Variants in NLN observed in about 807,000 individuals in gnomAD.
NLN encodes neurolysin, mitochondrial.
NLN carries 64 observed loss-of-function variants against 79.9 expected under a neutral mutation model. The observed-to-expected ratio is 0.80, with a 90% CI of 0.65 to 0.99. NLN has a LOEUF of 0.99. NLN is among the 50% of genes least tolerant of loss of function. The probability of loss-of-function intolerance (pLI) is 0.00; values close to 1 mark genes in which losing one functional copy is unlikely to be tolerated. For missense variants in NLN, 835 were observed against 858.7 expected, an observed-to-expected ratio of 0.97 and a Z score of 0.34; for synonymous variants, 267 against 296.6, an observed-to-expected ratio of 0.90 and a Z score of 1.02.
At chr5:65,792,991 T>C (rs1389507589) in intron 9 of NLN, 13 of 379,396 alleles carry the variant, frequency 3.4e-5, no homozygotes, top group Non-Finnish European at 6.1e-5. Context: ...TGTGCTGTAA[T>C]CTGTCTCTTC....
At chr5:65,755,355 T>G (rs1759195890) in intron 1 of NLN, among the ~76,000 whole-genome samples, 2 of 152,214 alleles carry the variant, frequency 1.3e-5, no homozygotes, top group African/African-American at 4.8e-5. Flanking sequence ...CCTTCTTGTA[T>G]AAACTACACC....
rs1554033902 is a variant in NLN, at chr5:65,800,663, C to CTTATTTATTTATTTAT, written c.1527+8031_1527+8046dup. Among the ~76,000 whole-genome samples, 782 of 142,946 alleles carry CTTATTTATTTATTTAT rather than the reference C, an allele frequency of 5.5e-3. 9 individuals are homozygous for CTTATTTATTTATTTAT. The highest frequency in any genetic ancestry group is 0.017 in the African/African-American group (641 of 37,540). The allele number at this position is 142,946 out of a possible 152,430, so 93.8% of individuals were successfully genotyped here. A position where few individuals can be genotyped will look rare whatever the true frequency, so the allele number is the denominator to read the frequency against. ...TAGCTTGGATAGTGAAGAAAACTCT[C>CTTATTTATTTATTTAT]TTATTTATTTATTTATTTATTTATT... On this transcript the variant is annotated intron_variant, in intron 9 of 12. Transcript: ENST00000380985.
At chr5:65,801,754 T>C (rs908965512) in intron 9 of NLN, among the ~76,000 whole-genome samples, 4 of 152,368 alleles carry the variant, frequency 2.6e-5, no homozygotes, top group African/African-American at 9.6e-5. Flanking sequence ...CTACTCTGCA[T>C]GACATTAACT....
chr5:65,731,349 A>G (rs893257114), intron 1 of NLN, among the ~76,000 whole-genome samples: 1 of 152,242 alleles, frequency 6.6e-6, no homozygotes, highest in Non-Finnish European at 1.5e-5. Context: ...TAGAACAGCA[A>G]ACTCACATTG....
rs1010887285 is a variant in NLN at position 65,827,478 on chromosome 5, G to A, written c.*4563G>A. 11 of 152,148 alleles carry A rather than the reference G, an allele frequency of 7.2e-5. No individual in the cohort carries two copies. The highest frequency in any genetic ancestry group is 2.4e-4 in the African/African-American group (10 of 41,428). 9.4% of individuals were successfully genotyped at this position (152,148 alleles called of 1,614,324 possible). A position where few individuals can be genotyped will look rare whatever the true frequency, so the allele number is the denominator to read the frequency against. ...TGGCTAGAAATAGTTTGTTCATTGC[G>A]TCCAGCAAGACACGCATTGCTGTTG... is the stretch of plus-strand genomic sequence containing the variant. On this transcript the variant is annotated 3_prime_UTR_variant, in exon 13 of 13. Transcript: ENST00000380985.
intron 3 of NLN, among the ~76,000 whole-genome samples, chr5:65,770,565 T>G (rs1469151931): frequency 1.3e-5 from 2 of 152,228 alleles, no homozygotes; most frequent in Non-Finnish European, 2.9e-5. Flanking sequence ...GTTTGTGCAC[T>G]GCTTCTAAGA....
chr5:65,727,558 T>C (rs1758506238), intron 1 of NLN, among the ~76,000 whole-genome samples: 1 of 152,038 alleles, frequency 6.6e-6, no homozygotes, highest in Non-Finnish European at 1.5e-5. Flanking sequence ...AACCTCTATA[T>C]TGCCATAGCA....
At chr5:65,784,684 G>A (rs944659661) in intron 6 of NLN, among the ~76,000 whole-genome samples, 4 of 152,100 alleles carry the variant, frequency 2.6e-5, no homozygotes, top group Admixed American at 1.3e-4. Context: ...TGAATTTTGG[G>A]GAACATTCAG....
intron 1 of NLN, among the ~76,000 whole-genome samples, chr5:65,739,042 A>T (rs185119066): frequency 0.015 from 1,768 of 117,824 alleles, 405 homozygotes; most frequent in African/African-American, 0.029. Context: ...TATATATATA[A>T]AAAATATATA....
chr5:65,815,408 T>C lies in NLN; in HGVS notation c.1980+3017T>C, dbSNP rs189376253. ...CTCTTATTTAGACAAAGGTGCTGGG[T>C]TGAACTTAGAGAAAGCATCATCCCA... On this transcript the variant is annotated intron_variant, in intron 12 of 12. Transcript: ENST00000380985. 3.3e-5 allele frequency among the ~76,000 whole-genome samples: 5 copies of C among 152,298 alleles called. No homozygotes were observed. In the East Asian group the frequency reaches 9.6e-4, roughly 29 times the overall value.
At chr5:65,731,956 G>T (rs1193890932) in intron 1 of NLN, among the ~76,000 whole-genome samples, 3 of 151,514 alleles carry the variant, frequency 2.0e-5, no homozygotes, top group Non-Finnish European at 4.4e-5. Context: ...TCACCATGTT[G>T]CCCAGGCTGA....
chr5:65,730,085 G>A (rs374163237), intron 1 of NLN, among the ~76,000 whole-genome samples: 35 of 152,250 alleles, frequency 2.3e-4, no homozygotes, highest in African/African-American at 6.0e-4. Context: ...TATTATATGC[G>A]AAATAGTATT....
Position 65,785,889 on chromosome 5 carries a change from A to G in NLN, c.937A>G (p.Ser313Gly), listed in dbSNP as rs576395700. 1.2e-6 allele frequency: 2 copies of G among 1,612,646 alleles called. No individual in the cohort carries two copies. Among genetic ancestry groups the G allele is most frequent in the South Asian group, 1.1e-5 (1 of 90,958 alleles). The change falls in exon 7 of 13, where the codon AGC becomes GGC. Residue 313 changes from serine (S) to glycine (G), a missense_variant. Coordinates refer to ENST00000380985, the MANE Select transcript of NLN (RefSeq NM_020726.5). ...TGAAATGAACACTGCAAAGAGCACA[A>G]GCCGCGTAACAGCCTTTCTAGGTTA... is the stretch of plus-strand genomic sequence containing the variant. ...VLEMNTAKST[S>G]RVTAFLDDLS...
intron 9 of NLN, among the ~76,000 whole-genome samples, chr5:65,803,028 A>G (rs1760324044): frequency 6.6e-6 from 1 of 152,184 alleles, no homozygotes; most frequent in South Asian, 2.1e-4. Context: ...TCCTCTCTGC[A>G]GCTGGTTGTC....
At chr5:65,732,689 G>A (rs1758636720) in intron 1 of NLN, among the ~76,000 whole-genome samples, 1 of 144,046 alleles carries the variant, frequency 6.9e-6, no homozygotes, top group Non-Finnish European at 1.5e-5. Flanking sequence ...CCTAGCTGAT[G>A]TCCCTAGACC....
intron 1 of NLN, among the ~76,000 whole-genome samples, chr5:65,725,265 A>G (rs931699578): frequency 6.6e-6 from 1 of 152,232 alleles, no homozygotes; most frequent in Non-Finnish European, 1.5e-5. Context: ...GGAAAGAAGA[A>G]TATTTTAATA....
At chr5:65,771,554 G>T (rs1377810961) in intron 3 of NLN, among the ~76,000 whole-genome samples, 1 of 152,062 alleles carries the variant, frequency 6.6e-6, no homozygotes, top group African/African-American at 2.4e-5. Context: ...TTTTAGAGCG[G>T]CAGGCTTTGA....
At chr5:65,733,367 C>T in intron 1 of NLN, 1 of 1,509,648 alleles carries the variant, frequency 6.6e-7, no homozygotes, top group Admixed American at 1.7e-5. Flanking sequence ...GCTCCCAGCT[C>T]ACCACCTTCT....
chr5:65,742,872 T>G (rs374142815), intron 1 of NLN, among the ~76,000 whole-genome samples: 28 of 152,326 alleles, frequency 1.8e-4, no homozygotes, highest in African/African-American at 6.7e-4. Flanking sequence ...TAGCATCTTC[T>G]TTTGATTGCT....
Sources: allele counts gnomAD v4.1 joint callset (sites outside exome capture counted in the v4.1 genomes callset), GRCh38; gene constraint gnomAD v4.1.1; transcripts MANE v1.5; gene names NCBI Gene and HGNC (gene_info 2026-07-23, HGNC 2026-07-21).